PATJ: variants seen among roughly 807,000 people sequenced by gnomAD.
PATJ encodes the protein PATJ crumbs cell polarity complex component.
In PATJ, 190 loss-of-function variants were observed where a neutral mutation model predicts 224.9. The observed-to-expected ratio is 0.84, with a 90% CI of 0.75 to 0.95. The LOEUF is 0.95. Ranked by LOEUF, PATJ falls within the 40% of genes least tolerant of loss-of-function variation. PATJ has a pLI of 0.00. For missense variants in PATJ, 2,121 were observed against 2,270.3 expected, an observed-to-expected ratio of 0.93 and a Z score of 1.34; for synonymous variants, 769 against 820.3, an observed-to-expected ratio of 0.94 and a Z score of 1.07.
intron 43 of PATJ, among the ~76,000 whole-genome samples, chr1:62,159,987 G>A (rs76949492): frequency 0.023 from 3,448 of 152,064 alleles, 123 homozygotes; most frequent in African/African-American, 0.076. Context: ...CTCCTAGCTC[G>A]GCTTCTGATT....
At position 61,990,289 on chromosome 1, in the gene PATJ, A is replaced by G. The variant is rs749409522; in HGVS notation, c.3792A>G (p.Ile1264Met). The G allele has an allele frequency of 1.9e-6, 3 of 1,613,872 alleles. No homozygotes were observed. Among genetic ancestry groups the G allele is most frequent in the Non-Finnish European group, 1.7e-6 (2 of 1,179,946 alleles). The change falls in exon 28 of 44, where the codon ATA becomes ATG. Residue 1264 changes from isoleucine (I) to methionine (M), a missense_variant. By Grantham distance (10) the Ile-to-Met change is conservative. Transcript: ENST00000642238. The part of the protein sequence containing the change: ...AGNKDRSRMS[I>M]FVVGINPEGP... Reference sequence around the variant, plus strand: ...ATAAAGACCGATCACGCATGAGCATATTTGTGGTGGGAATTAACCCGGAAG... The same window carrying G: ...ATAAAGACCGATCACGCATGAGCATGTTTGTGGTGGGAATTAACCCGGAAG...
chr1:61,771,494 C>T lies in PATJ; in HGVS notation c.588C>T (p.Asn196=). 6.2e-7 allele frequency: 1 copy of T among 1,612,584 alleles called. No homozygotes were observed. Among genetic ancestry groups the T allele is most frequent in the Non-Finnish European group, 8.5e-7 (1 of 1,179,322 alleles). The change falls in exon 6 of 44, where the codon AAC becomes AAT. Residue 196 remains asparagine, a synonymous_variant. Coordinates refer to ENST00000642238, the MANE Select transcript of PATJ (RefSeq NM_001350145.3). ...LAINHTPLDQ[N]ISHQQAIALL... ...TTAATCACACGCCATTGGATCAGAA[C>T]ATTTCCCATCAGCAAGCAATTGCAT... is the stretch of plus-strand genomic sequence containing the variant.
intron 22 of PATJ, among the ~76,000 whole-genome samples, chr1:61,897,219 G>A (rs890669703): frequency 6.6e-6 from 1 of 152,146 alleles, no homozygotes; most frequent in Non-Finnish European, 1.5e-5. Flanking sequence ...GACAGTTTGT[G>A]CTATAATTAC....
At chr1:61,961,627 A>G (rs1260593075) in intron 27 of PATJ, among the ~76,000 whole-genome samples, 1 of 152,188 alleles carries the variant, frequency 6.6e-6, no homozygotes, top group Non-Finnish European at 1.5e-5. Context: ...AAAAGTACCA[A>G]CCTGACAGCA....
intron 21 of PATJ, among the ~76,000 whole-genome samples, chr1:61,882,178 G>A (rs1014403362): frequency 2.6e-5 from 4 of 152,118 alleles, no homozygotes; most frequent in Non-Finnish European, 4.4e-5. Flanking sequence ...GGGTTCATGA[G>A]GGAAAATAAA....
Position 61,899,639 on chromosome 1 carries a change from G to A in PATJ, c.3188G>A (p.Trp1063Ter). 2 of 1,610,422 alleles carry A rather than the reference G, an allele frequency of 1.2e-6. No individual in the cohort carries two copies. Among genetic ancestry groups the A allele is most frequent in the Non-Finnish European group, 1.7e-6 (2 of 1,178,326 alleles). ...GAAGAAACTCCAAATTTTAGCCACTGGGGTCCACCGAGAATGTATGTGGAT... is the reference window on the plus strand; with the variant it reads ...GAAGAAACTCCAAATTTTAGCCACTAGGGTCCACCGAGAATGTATGTGGAT... ...EGEETPNFSH[W>*]GPPRIVEIFR... Residue 1063 changes from tryptophan to a stop codon, truncating the protein, a stop_gained, in exon 23 of 44, where the codon TGG becomes TAG. Coordinates refer to ENST00000642238, the MANE Select transcript of PATJ (RefSeq NM_001350145.3). LOFTEE classifies it high-confidence loss of function.
chr1:61,943,005 C>T (rs565191621), intron 27 of PATJ, among the ~76,000 whole-genome samples: 3 of 152,312 alleles, frequency 2.0e-5, no homozygotes, highest in African/African-American at 7.2e-5. Flanking sequence ...AAACTGGAAA[C>T]AAGCCAAATG....
At chr1:62,088,401 T>C (rs1660302844) in intron 33 of PATJ, among the ~76,000 whole-genome samples, 1 of 152,160 alleles carries the variant, frequency 6.6e-6, no homozygotes, top group African/African-American at 2.4e-5. Context: ...TCTTCTGCCC[T>C]CCTTCCGCTC....
chr1:62,101,233 G>A (rs1000405719), intron 33 of PATJ, among the ~76,000 whole-genome samples: 2 of 148,936 alleles, frequency 1.3e-5, no homozygotes, highest in Non-Finnish European at 3.0e-5. Flanking sequence ...GAATGGAGAC[G>A]TTAACACAGT....
chr1:62,116,074 C>T (rs981790288), intron 35 of PATJ, among the ~76,000 whole-genome samples: 1 of 152,220 alleles, frequency 6.6e-6, no homozygotes, highest in South Asian at 2.1e-4. Context: ...ATGTTTTTTG[C>T]TTTTAGTGAA....
At chr1:61,981,961 A>G (rs35266608) in intron 27 of PATJ, among the ~76,000 whole-genome samples, 39,901 of 151,808 alleles carry the variant, frequency 0.26, 5,636 homozygotes, top group East Asian at 0.45. Flanking sequence ...GAGCCACCGC[A>G]CTCAGCCTTG....
chr1:62,017,807 A>C, intron 28 of PATJ, 49 bp from the exon 29 acceptor site: 1 of 906,688 alleles, frequency 1.1e-6, no homozygotes, highest in South Asian at 1.4e-5. Flanking sequence ...ATATACATAT[A>C]TACTTGTAGA....
At chr1:62,085,036 C>T (rs1659785791) in intron 33 of PATJ, among the ~76,000 whole-genome samples, 2 of 152,104 alleles carry the variant, frequency 1.3e-5, no homozygotes, top group South Asian at 4.2e-4. Flanking sequence ...CTGAGGCAGG[C>T]AGATTACTTG....
intron 29 of PATJ, among the ~76,000 whole-genome samples, chr1:62,026,458 A>G (rs1431322674): frequency 1.3e-4 from 18 of 136,770 alleles, no homozygotes. Context: ...CATTTATTCA[A>G]CATTTGTGTG....
chr1:61,929,210 T>C (rs141910777), intron 27 of PATJ, among the ~76,000 whole-genome samples: 65 of 152,346 alleles, frequency 4.3e-4, no homozygotes, highest in African/African-American at 1.4e-3. Flanking sequence ...GAATTGTTGT[T>C]ACTCCATACA....
rs71050197 is a variant in PATJ at position 62,099,347 on chromosome 1, C to CTTTTTTTT, written c.4378-9067_4378-9060dup. ...ATTTTTTTGTATACAATATCTCCAA[C>CTTTTTTTT]TTTTTTTTTTTTTTTTTTTTTTTTT... On this transcript the variant is annotated intron_variant, in intron 33 of 43. Transcript: ENST00000642238. 5.9e-4 allele frequency among the ~76,000 whole-genome samples: 33 copies of CTTTTTTTT among 55,674 alleles called. 2 individuals are homozygous for CTTTTTTTT. The highest frequency in any genetic ancestry group is 4.6e-3 in the South Asian group (7 of 1,518). 36.5% of individuals were successfully genotyped at this position (55,674 alleles called of 152,430 possible).
intron 22 of PATJ, among the ~76,000 whole-genome samples, chr1:61,886,251 G>A (rs1185708052): frequency 6.6e-6 from 1 of 151,952 alleles, no homozygotes; most frequent in African/African-American, 2.4e-5. Flanking sequence ...GGAGTGAGCT[G>A]GAATGAACAA....
intron 11 of PATJ, 22 bp from the exon 12 acceptor site, chr1:61,801,601 A>C (rs992525730): frequency 7.0e-7 from 1 of 1,433,162 alleles, no homozygotes; most frequent in East Asian, 2.5e-5. Flanking sequence ...AAATTTTAAA[A>C]AATTATTTTT....
intron 7 of PATJ, among the ~76,000 whole-genome samples, chr1:61,779,924 C>G (rs919487055): frequency 2.0e-5 from 3 of 151,632 alleles, no homozygotes; most frequent in African/African-American, 7.3e-5. Context: ...GGGCAACTCT[C>G]TTTTTAACAA....
Sources: gnomAD v4.1 joint callset for allele counts (sites outside exome capture counted in the v4.1 genomes callset) on GRCh38, gnomAD v4.1.1 for gene constraint, MANE v1.5 for transcripts, NCBI Gene and HGNC (gene_info 2026-07-23, HGNC 2026-07-21) for gene names.